ZNF678: variants seen among roughly 807,000 people sequenced by gnomAD.
ZNF678 encodes zinc finger protein 678, also known as hypothetical protein MGC42493.
ZNF678 carries 5 observed loss-of-function variants against 3.0 expected under a neutral mutation model. The ratio of observed to expected loss-of-function variants is 1.69; its 90% confidence interval spans 0.88 to 3.56. ZNF678 has a LOEUF of 3.56. Among genes scored for constraint, ZNF678 ranks in the 30% most tolerant of loss-of-function variants. The pLI is 0.00. For missense variants in ZNF678, 593 were observed against 605.0 expected, an observed-to-expected ratio of 0.98 and a Z score of 0.21; for synonymous variants, 218 against 199.6, an observed-to-expected ratio of 1.09 and a Z score of -0.78.
At chr1:227,580,512 C>G (rs2102726764) in intron 1 of ZNF678, among the ~76,000 whole-genome samples, 1 of 152,200 alleles carries the variant, frequency 6.6e-6, no homozygotes, top group African/African-American at 2.4e-5. Context: ...CTTTTGATGC[C>G]TTTATGAAAC....
intron 3 of ZNF678, among the ~76,000 whole-genome samples, chr1:227,651,984 A>G (rs909035806): frequency 1.3e-5 from 2 of 152,132 alleles, no homozygotes; most frequent in Admixed American, 6.5e-5. Flanking sequence ...TACTCTTCCT[A>G]TATGGTTTCA....
At chr1:227,677,539 T>C (rs368134602), downstream of ZNF678, 4 of 152,306 alleles carry the variant, frequency 2.6e-5, no homozygotes, top group East Asian at 1.9e-4. Context: ...TGGGCTACTA[T>C]ACAAAGAGCA....
intron 1 of ZNF678, among the ~76,000 whole-genome samples, chr1:227,603,163 A>G (rs1221166175): frequency 2.0e-5 from 3 of 152,182 alleles, no homozygotes; most frequent in Non-Finnish European, 2.9e-5. Flanking sequence ...GTGAGGAGAA[A>G]GAGCAGCTCC....
At chr1:227,634,735 G>C (rs1055833080) in intron 1 of ZNF678, among the ~76,000 whole-genome samples, 2 of 152,194 alleles carry the variant, frequency 1.3e-5, no homozygotes, top group African/African-American at 4.8e-5. Context: ...GGACTTGACT[G>C]TAGTCCCTGG....
intron 1 of ZNF678, 60 bp from the exon 2 acceptor site, chr1:227,646,484 A>G: frequency 1.1e-5 from 15 of 1,337,192 alleles, no homozygotes; most frequent in Non-Finnish European, 1.5e-5. Flanking sequence ...GTTGGAGTCA[A>G]ATTAAGAACT....
chr1:227,642,458 G>C (rs1658844095), intron 1 of ZNF678, among the ~76,000 whole-genome samples: 1 of 152,248 alleles, frequency 6.6e-6, no homozygotes, highest in African/African-American at 2.4e-5. Context: ...CCAGAGTCAT[G>C]ACCACAACTA....
chr1:227,579,194 G>A (rs73091000), intron 1 of ZNF678, among the ~76,000 whole-genome samples: 2,536 of 152,186 alleles, frequency 0.017, 59 homozygotes, highest in South Asian at 0.058. Context: ...TGCTACAGGC[G>A]TTCATTGGAA....
At chr1:227,599,422 T>C (rs1657677937) in intron 1 of ZNF678, among the ~76,000 whole-genome samples, 1 of 152,220 alleles carries the variant, frequency 6.6e-6, no homozygotes, top group South Asian at 2.1e-4. Context: ...TTTTAAATAC[T>C]GTATGTAATT....
downstream of ZNF678, among the ~76,000 whole-genome samples, chr1:227,679,449 T>C (rs1469911860): frequency 6.6e-6 from 1 of 152,104 alleles, no homozygotes; most frequent in African/African-American, 2.4e-5. Context: ...GGAAAAGCAT[T>C]GTAAAAATCC....
At chr1:227,634,491 A>G (rs1658625800) in intron 1 of ZNF678, among the ~76,000 whole-genome samples, 1 of 152,130 alleles carries the variant, frequency 6.6e-6, no homozygotes, top group Admixed American at 6.5e-5. Flanking sequence ...AGGGAAACAC[A>G]CTGCCCTGAA....
At chr1:227,582,039 C>A (rs189237140) in intron 1 of ZNF678, among the ~76,000 whole-genome samples, 1 of 152,136 alleles carries the variant, frequency 6.6e-6, no homozygotes, top group Admixed American at 6.5e-5. Flanking sequence ...TGTTTAATGG[C>A]CATCTGAAGG....
At chr1:227,598,350 G>A (rs1040718390) in intron 1 of ZNF678, 1 of 1,307,632 alleles carries the variant, frequency 7.6e-7, no homozygotes, top group African/African-American at 1.5e-5. Flanking sequence ...TAGTAAATAT[G>A]TTGTAGTTTT....
chr1:227,582,614 A>T (rs1166671514), intron 1 of ZNF678: 1 of 213,796 alleles, frequency 4.7e-6, no homozygotes, highest in East Asian at 1.6e-4. Context: ...CAGGTATGAG[A>T]CACCACACCT....
intron 1 of ZNF678, among the ~76,000 whole-genome samples, chr1:227,597,278 G>C (rs757863682): frequency 2.1e-4 from 32 of 152,244 alleles, no homozygotes; most frequent in Non-Finnish European, 4.0e-4. Context: ...GCGTTTAAGT[G>C]GTTTTCTGCC....
At chr1:227,566,972 C>G (rs1656704764) in intron 1 of ZNF678, among the ~76,000 whole-genome samples, 1 of 152,166 alleles carries the variant, frequency 6.6e-6, no homozygotes, top group Non-Finnish European at 1.5e-5. Flanking sequence ...CTCACTTTCA[C>G]AAGACAGTAT....
At position 227,673,548 on chromosome 1, in the gene ZNF678, C is replaced by T. The variant is rs16848049; in HGVS notation, c.227-3631C>T. Among the ~76,000 whole-genome samples, 863 of 152,270 alleles carry T rather than the reference C, an allele frequency of 5.7e-3. 8 individuals are homozygous for T. The highest frequency in any genetic ancestry group is 0.02 in the African/African-American group (823 of 41,568). On this transcript the variant is annotated intron_variant, in intron 5 of 5. Coordinates refer to the ZNF678 transcript ENST00000608949. Reference sequence around the variant, plus strand: ...GACTTCACATAATTAAAACTTTTCCCGGCCAAACACTAAATAAATTTTACA... The same window carrying T: ...GACTTCACATAATTAAAACTTTTCCTGGCCAAACACTAAATAAATTTTACA...
intron 1 of ZNF678, among the ~76,000 whole-genome samples, chr1:227,608,549 T>C (rs1349495733): frequency 6.6e-6 from 1 of 152,188 alleles, no homozygotes; most frequent in Non-Finnish European, 1.5e-5. Context: ...TTATTACTAA[T>C]ATATGGTACA....
At chr1:227,599,401 C>T (rs2132366) in intron 1 of ZNF678, among the ~76,000 whole-genome samples, 31,506 of 152,092 alleles carry the variant, frequency 0.21, 3,714 homozygotes, top group East Asian at 0.44. Flanking sequence ...GCCGCCTCCC[C>T]TATAATTTTC....
chr1:227,652,970 T>C (rs1046265424), intron 3 of ZNF678, among the ~76,000 whole-genome samples: 1 of 152,108 alleles, frequency 6.6e-6, no homozygotes, highest in African/African-American at 2.4e-5. Flanking sequence ...TTTTTCTGCA[T>C]TTGGTTATCT....
Sources: gnomAD v4.1 joint callset for allele counts (sites outside exome capture counted in the v4.1 genomes callset) on GRCh38, gnomAD v4.1.1 for gene constraint, MANE v1.5 for transcripts, NCBI Gene and HGNC (gene_info 2026-07-23, HGNC 2026-07-21) for gene names.